The following EXOC2 variants were observed in gnomAD, a reference collection of about 807,000 sequenced individuals.
EXOC2 encodes the protein SEC5-like 1.
Under a neutral mutation model 131.8 loss-of-function variants are expected in EXOC2, and 70 were observed. That is an observed-to-expected ratio of 0.53 (90% CI 0.44 to 0.65). The LOEUF (loss-of-function observed/expected upper bound fraction) is 0.65. Ranked by LOEUF, EXOC2 falls within the 30% of genes least tolerant of loss-of-function variation. The pLI is 0.00. For missense variants in EXOC2, 923 were observed against 1,108.6 expected (o/e 0.83, Z 2.38); for synonymous variants, 411 against 398.4 (o/e 1.03, Z -0.38).
At chr6:646,375 C>A (rs1052498359) in intron 1 of EXOC2, among the ~76,000 whole-genome samples, 1 of 151,952 alleles carries the variant, frequency 6.6e-6, no homozygotes, top group East Asian at 1.9e-4. Context: ...AACTGGTGGG[C>A]GTGGTTAAAG....
intron 22 of EXOC2, among the ~76,000 whole-genome samples, chr6:533,961 GCAA>G (rs1211971318): frequency 4.6e-5 from 7 of 152,168 alleles, no homozygotes; most frequent in African/African-American, 1.7e-4. Flanking sequence ...GAAGAGACAA[GCAA>G]CAACTTGAAC....
chr6:635,510 T>C (rs1178284204), intron 2 of EXOC2, among the ~76,000 whole-genome samples: 1 of 152,258 alleles, frequency 6.6e-6, no homozygotes, highest in East Asian at 1.9e-4. Flanking sequence ...TTAAGACCTA[T>C]TTCTTGATTT....
At chr6:520,726 G>C (rs1182986931) in intron 23 of EXOC2, among the ~76,000 whole-genome samples, 43 of 27,682 alleles carry the variant, frequency 1.6e-3, no homozygotes, top group Admixed American at 2.7e-3. Flanking sequence ...AAACAACCAC[G>C]CACGGAGCGC....
chr6:498,652 A>C (rs1256904315), intron 24 of EXOC2, among the ~76,000 whole-genome samples: 27 of 152,290 alleles, frequency 1.8e-4, no homozygotes, highest in Non-Finnish European at 1.2e-4. Flanking sequence ...TTCTAGCCAA[A>C]TTTAGGAACC....
intron 1 of EXOC2, among the ~76,000 whole-genome samples, chr6:676,017 C>T (rs1287116342): frequency 1.6e-5 from 2 of 128,738 alleles, no homozygotes; most frequent in Non-Finnish European, 3.4e-5. Context: ...GGACAGCCTC[C>T]TCTGGCAACT....
intron 2 of EXOC2, 138 bp downstream of exon 2, chr6:637,563 C>T (rs1261305836): frequency 3.0e-5 from 17 of 564,696 alleles, no homozygotes; most frequent in East Asian, 6.2e-5. Context: ...ATAATTCTTT[C>T]GTCTTTTTGG....
intron 1 of EXOC2, among the ~76,000 whole-genome samples, chr6:639,857 G>C (rs1310440318): frequency 6.6e-6 from 1 of 152,194 alleles, no homozygotes; most frequent in Non-Finnish European, 1.5e-5. Flanking sequence ...TTTCTTTAAT[G>C]TGCATGGACT....
At chr6:685,767 C>T (rs966875877) in intron 1 of EXOC2, among the ~76,000 whole-genome samples, 5 of 151,742 alleles carry the variant, frequency 3.3e-5, no homozygotes, top group Admixed American at 6.6e-5. Context: ...TATAGAGTTA[C>T]GGCCTGATAA....
intron 7 of EXOC2, among the ~76,000 whole-genome samples, chr6:606,269 G>T (rs541043125): frequency 6.6e-6 from 1 of 152,284 alleles, no homozygotes; most frequent in East Asian, 1.9e-4. Context: ...GCCCGTCGTG[G>T]AGTTGGGGGA....
intron 1 of EXOC2, among the ~76,000 whole-genome samples, chr6:642,113 C>G (rs886398385): frequency 5.9e-5 from 9 of 152,114 alleles, no homozygotes; most frequent in Non-Finnish European, 1.3e-4. Context: ...TGCTTGTATT[C>G]ATGTAATTCA....
intron 10 of EXOC2, 82 bp downstream of exon 10, chr6:597,939 C>T: frequency 1.0e-6 from 1 of 971,966 alleles, no homozygotes; most frequent in Non-Finnish European, 1.6e-6. Flanking sequence ...TAAAGTCCCT[C>T]AAGTTAGCCT....
intron 1 of EXOC2, among the ~76,000 whole-genome samples, chr6:646,135 C>T (rs1010453367): frequency 6.6e-6 from 1 of 152,134 alleles, no homozygotes; most frequent in Non-Finnish European, 1.5e-5. Flanking sequence ...TCAAGAAAGG[C>T]TCCTCATGTT....
At chr6:650,023 C>A (rs1018625740) in intron 1 of EXOC2, among the ~76,000 whole-genome samples, 2 of 152,092 alleles carry the variant, frequency 1.3e-5, no homozygotes, top group Admixed American at 1.3e-4. Flanking sequence ...AAATAAATTC[C>A]TTCCTGCCTG....
intron 1 of EXOC2, among the ~76,000 whole-genome samples, chr6:651,633 A>T (rs997536086): frequency 5.9e-5 from 9 of 151,766 alleles, no homozygotes; most frequent in African/African-American, 2.2e-4. Context: ...AACCTGGGCA[A>T]CAGAGCAAGA....
chr6:604,835 C>T (rs1581537703), intron 7 of EXOC2, among the ~76,000 whole-genome samples: 1 of 151,634 alleles, frequency 6.6e-6, no homozygotes, highest in East Asian at 1.9e-4. Context: ...AGCCGCCCAC[C>T]GCCGGCCTCT....
chr6:623,006 A>T (rs1199288564), intron 4 of EXOC2, among the ~76,000 whole-genome samples: 2 of 152,246 alleles, frequency 1.3e-5, no homozygotes, highest in African/African-American at 2.4e-5. Flanking sequence ...TCCTACCCCC[A>T]GGAGTCCCTC....
rs116811951 is a variant in EXOC2 at position 539,750 on chromosome 6, T to C, written c.2239-7140A>G. On this transcript the variant is annotated intron_variant, in intron 22 of 27. Coordinates refer to ENST00000230449, the MANE Select transcript of EXOC2 (RefSeq NM_018303.6). ...ATAAACAACAAACAATTATTTTCATTCCAATTTGGCCATCTGTATAGAAAT... is the reference window on the plus strand; with the variant it reads ...ATAAACAACAAACAATTATTTTCATCCCAATTTGGCCATCTGTATAGAAAT... 7.8e-3 allele frequency among the ~76,000 whole-genome samples: 1,192 copies of C among 152,360 alleles called. 9 individuals carry two copies. The highest frequency in any genetic ancestry group is 0.011 in the Non-Finnish European group (744 of 68,032).
intron 22 of EXOC2, among the ~76,000 whole-genome samples, chr6:542,720 T>C (rs1405250215): frequency 1.3e-5 from 2 of 152,192 alleles, no homozygotes; most frequent in African/African-American, 2.4e-5. Flanking sequence ...CAGAGCACCG[T>C]AGTAAGCTGG....
chr6:679,857 G>C (rs916719350), intron 1 of EXOC2, among the ~76,000 whole-genome samples: 1 of 152,184 alleles, frequency 6.6e-6, no homozygotes, highest in Admixed American at 6.5e-5. Context: ...TGAACAGACA[G>C]ATGTACAGAA....
Sources: gnomAD v4.1 joint callset for allele counts (sites outside exome capture counted in the v4.1 genomes callset) on GRCh38, gnomAD v4.1.1 for gene constraint, MANE v1.5 for transcripts, NCBI Gene and HGNC (gene_info 2026-07-23, HGNC 2026-07-21) for gene names.